ACACB: variants seen among roughly 807,000 people sequenced by gnomAD.
ACACB encodes acetyl-CoA carboxylase 2.
Under a neutral mutation model 278.8 loss-of-function variants are expected in ACACB, and 209 were observed. The ratio of observed to expected loss-of-function variants is 0.75; its 90% CI spans 0.67 to 0.84. ACACB has a LOEUF of 0.84. Ranked by LOEUF, ACACB falls within the 40% of genes least tolerant of loss-of-function variation. The pLI, the probability that ACACB is intolerant of heterozygous loss-of-function variation, is 0.00. For synonymous variants in ACACB, 1,174 were observed against 1,285.6 expected (o/e 0.91, Z 1.86); for missense variants, 2,850 against 3,269.0 (o/e 0.87, Z 3.13).
In ACACB at chr12:109,201,438, C is replaced by A. The variant is rs1445144374; in HGVS notation, c.2779-129C>A. 8.0e-6 allele frequency: 9 copies of A among 1,124,202 alleles called. No individual in the cohort carries two copies. In the Admixed American group the frequency reaches 1.9e-4, roughly 24 times the overall value. The allele number at this position is 1,124,202 out of a possible 1,614,324, so 69.6% of individuals were successfully genotyped here. On this transcript the variant is annotated intron_variant, in intron 18 of 52. Coordinates refer to ENST00000338432, the MANE Select transcript of ACACB (RefSeq NM_001093.4). ...CTTGTACCTTCTGCCTGAACACTAC[C>A]CAGGGAGTCATTCTGGCGCGTCCCT...
Position 109,245,687 on chromosome 12 carries a change from A to T in ACACB, c.5240A>T (p.Glu1747Val). ...CCCAAAGACATCCTGACATACACTG[A>T]ATTAGTGTTGGACTCTCAGGGCCAG... ...KYPKDILTYT[E>V]LVLDSQGQLV... is the part of the protein sequence containing the mutation. The change falls in exon 38 of 53, where the codon GAA (glutamate) becomes GTA (valine). Residue 1747 changes from glutamate to valine, a missense_variant. Physicochemically the swap from Glu to Val is moderately radical, Grantham distance 121. Around this residue, in one of 3 missense-constraint regions of ACACB, gnomAD observed 2,265 missense variants for 2,561.3 expected, o/e 0.88. Coordinates refer to ENST00000338432, the MANE Select transcript of ACACB (RefSeq NM_001093.4). 1 of 1,614,134 alleles carries T rather than the reference A, an allele frequency of 6.2e-7. No homozygotes were observed. The highest frequency in any genetic ancestry group is 8.5e-7 in the Non-Finnish European group (1 of 1,180,012).
At chr12:109,192,803 C>T (rs770540426) in intron 15 of ACACB, among the ~76,000 whole-genome samples, 4 of 151,864 alleles carry the variant, frequency 2.6e-5, no homozygotes, top group African/African-American at 4.8e-5. Context: ...TTGGGACCAC[C>T]GGTGCATGCC....
intron 19 of ACACB, 73 bp from the exon 20 acceptor site, chr12:109,206,637 C>T: frequency 6.4e-7 from 1 of 1,564,658 alleles, no homozygotes; most frequent in Non-Finnish European, 8.8e-7. Flanking sequence ...TCTGTCCTGC[C>T]TCCCGTTCTG....
At chr12:109,144,256 T>C (rs2043185823) in intron 2 of ACACB, among the ~76,000 whole-genome samples, 2 of 152,044 alleles carry the variant, frequency 1.3e-5, no homozygotes, top group Non-Finnish European at 2.9e-5. Context: ...GAGGTTGCAG[T>C]GAGCTGAGAT....
At chr12:109,127,145 C>T (rs1368964632) in intron 1 of ACACB, among the ~76,000 whole-genome samples, 1 of 152,104 alleles carries the variant, frequency 6.6e-6, no homozygotes. Context: ...GCCCATTAAA[C>T]AATTGAATCA....
At chr12:109,184,254 T>C (rs1039015772) in intron 11 of ACACB, among the ~76,000 whole-genome samples, 43 of 152,000 alleles carry the variant, frequency 2.8e-4, no homozygotes, top group African/African-American at 9.2e-4. Flanking sequence ...GGCTTCACCA[T>C]GTTGGCCAGG....
chr12:109,117,317 G>A (rs112378900), intron 1 of ACACB, among the ~76,000 whole-genome samples: 6 of 144,914 alleles, frequency 4.1e-5, no homozygotes, highest in South Asian at 4.3e-4. Flanking sequence ...CTAAAATTGC[G>A]CCACTGCATT....
Position 109,199,402 on chromosome 12 carries a change from T to A in ACACB, c.2628T>A (p.Ser876Arg). 6.7e-7 allele frequency: 1 copy of A among 1,482,612 alleles called. No homozygotes were observed. Among genetic ancestry groups the A allele is most frequent in the African/African-American group, 1.4e-5 (1 of 70,144 alleles). The allele number at this position is 1,482,612 out of a possible 1,614,324, so 91.8% of individuals were successfully genotyped here. ...YTTYMKEEVD[S>R]YRITIGNKTC... is the part of the protein sequence containing the mutation. ...CTACCCGACTCCTCCTCTCTCCCAGTTACCGAATTACCATCGGCAATAAGA... is the reference window on the plus strand; with the variant it reads ...CTACCCGACTCCTCCTCTCTCCCAGATACCGAATTACCATCGGCAATAAGA... The change falls in exon 18 of 53, where the codon AGT (serine) becomes AGA (arginine). Residue 876 changes from serine to arginine, a missense_variant and splice_region_variant. By Grantham distance (110) the Ser-to-Arg change is moderately radical. This residue lies in a region of ACACB where 2,265 missense variants were observed against 2,561.3 expected (regional missense o/e 0.88). Coordinates refer to ENST00000338432, the MANE Select transcript of ACACB (RefSeq NM_001093.4).
chr12:109,111,772 T>A (rs2042298381), upstream of ACACB, among the ~76,000 whole-genome samples: 1 of 152,126 alleles, frequency 6.6e-6, no homozygotes, highest in African/African-American at 2.4e-5. Context: ...CAAGAAAGAA[T>A]GCATCCAGCC....
chr12:109,258,823 G>A (rs1236140304), intron 46 of ACACB, 150 bp from the exon 47 acceptor site: 2 of 1,018,498 alleles, frequency 2.0e-6, no homozygotes, highest in Non-Finnish European at 2.9e-6. Context: ...CGGAGGAGAT[G>A]GGGCTTCCAT....
chr12:109,166,671 AAAAAAAC>A (rs376325441), intron 2 of ACACB, among the ~76,000 whole-genome samples, 183 bp from the exon 3 acceptor site: 3,244 of 139,616 alleles, frequency 0.023, 397 homozygotes, highest in Middle Eastern at 0.052. Flanking sequence ...AAAAAAAAAA[AAAAAAAC>A]CGAAGGTGCT....
intron 12 of ACACB, among the ~76,000 whole-genome samples, chr12:109,186,969 TTACCAAAA>T (rs1264166357): frequency 6.6e-6 from 1 of 152,102 alleles, no homozygotes; most frequent in Non-Finnish European, 1.5e-5. Context: ...CCACCCACTC[TTACCAAAA>T]TTGTACTTAG....
chr12:109,133,305 A>T (rs1344972906), intron 1 of ACACB, among the ~76,000 whole-genome samples: 2 of 150,856 alleles, frequency 1.3e-5, no homozygotes, highest in African/African-American at 4.9e-5. Context: ...ATCTTGGCTC[A>T]CTGCAACCTC....
chr12:109,187,257 C>A (rs2044694588), intron 12 of ACACB, among the ~76,000 whole-genome samples: 1 of 152,114 alleles, frequency 6.6e-6, no homozygotes, highest in South Asian at 2.1e-4. Flanking sequence ...TCTTCACCTG[C>A]AGAGGTTTTC....
intron 16 of ACACB, among the ~76,000 whole-genome samples, chr12:109,193,987 A>T (rs976301576): frequency 2.0e-5 from 3 of 152,188 alleles, no homozygotes; most frequent in Admixed American, 2.0e-4. Context: ...GGTACCACAA[A>T]CTGGTTTAAA....
At chr12:109,208,090 AAG>A (rs1312763759) in intron 20 of ACACB, among the ~76,000 whole-genome samples, 2 of 152,176 alleles carry the variant, frequency 1.3e-5, no homozygotes, top group Non-Finnish European at 2.9e-5. Context: ...CACAGAGACT[AAG>A]AGACTTGCTG....
chr12:109,257,071 C>T (rs1203826883), intron 45 of ACACB, among the ~76,000 whole-genome samples: 13 of 152,040 alleles, frequency 8.6e-5, no homozygotes, highest in Non-Finnish European at 1.5e-4. Flanking sequence ...GTCAGGAGTT[C>T]GAGACCAGCC....
At chr12:109,126,655 G>C (rs891607467) in intron 1 of ACACB, among the ~76,000 whole-genome samples, 1 of 152,098 alleles carries the variant, frequency 6.6e-6, no homozygotes, top group Non-Finnish European at 1.5e-5. Context: ...CTGGACTCCA[G>C]CCTGGGTGAC....
chr12:109,153,314 A>G (rs1451815422), intron 2 of ACACB, among the ~76,000 whole-genome samples: 1 of 152,132 alleles, frequency 6.6e-6, no homozygotes, highest in Non-Finnish European at 1.5e-5. Context: ...GATACATTAT[A>G]TTTTTACACA....
Sources: allele counts gnomAD v4.1 joint callset (sites outside exome capture counted in the v4.1 genomes callset), GRCh38; gene constraint gnomAD v4.1.1; regional missense constraint gnomAD v4.1.1; transcripts MANE v1.5; gene names NCBI Gene and HGNC (gene_info 2026-07-23, HGNC 2026-07-21).